Variants in LARGE1 observed in about 807,000 individuals in gnomAD.
LARGE1 encodes LARGE xylosyl- and glucuronyltransferase 1.
Under a neutral mutation model 87.6 loss-of-function variants are expected in LARGE1, and 43 were observed. That is an observed-to-expected ratio of 0.49 (90% CI 0.38 to 0.63). The LOEUF is 0.63. LARGE1 is among the 30% of genes least tolerant of loss of function. The pLI, the probability that LARGE1 is intolerant of heterozygous loss-of-function variation, is 0.00. For missense variants in LARGE1, 802 were observed against 1,000.2 expected, an observed-to-expected ratio of 0.80 and a Z score of 2.67; for synonymous variants, 434 against 394.6, an observed-to-expected ratio of 1.10 and a Z score of -1.18.
chr22:33,203,595 A>G (rs1176084835), intron 11 of LARGE1, among the ~76,000 whole-genome samples: 6 of 152,010 alleles, frequency 3.9e-5, no homozygotes, highest in Non-Finnish European at 8.8e-5. Context: ...TAGTGAGGGG[A>G]GAGGGAAATG....
intron 11 of LARGE1, among the ~76,000 whole-genome samples, chr22:33,203,345 C>G (rs904503625): frequency 6.6e-6 from 1 of 152,186 alleles, no homozygotes; most frequent in Non-Finnish European, 1.5e-5. Context: ...CGAGCCTGAT[C>G]TCCCAGGAGA....
At position 33,668,431 on chromosome 22, in the gene LARGE1, C is replaced by A. The variant is rs151219837; in HGVS notation, c.107-17763G>T. ...AATAAATGAGATGAAGCACTAGAGG[C>A]ATTTAGCTGCTCCAGCTAAGTATGA... is the stretch of plus-strand genomic sequence containing the variant. On this transcript the variant is annotated intron_variant, in intron 2 of 14. Coordinates refer to ENST00000397394, the MANE Select transcript of LARGE1 (RefSeq NM_133642.5). Among the ~76,000 whole-genome samples the A allele has an allele frequency of 6.4e-3, 977 of 152,314 alleles. 11 individuals are homozygous for A. Among genetic ancestry groups the A allele is most frequent in the African/African-American group, 0.022 (932 of 41,560 alleles).
intron 1 of LARGE1, among the ~76,000 whole-genome samples, chr22:33,834,101 T>C (rs2063047669): frequency 1.3e-5 from 2 of 152,166 alleles, no homozygotes; most frequent in South Asian, 4.1e-4. Flanking sequence ...GCCTGACTCC[T>C]TCTATCACCA....
intron 6 of LARGE1, among the ~76,000 whole-genome samples, chr22:33,452,145 AAAAAC>A (rs961424547): frequency 6.6e-6 from 1 of 152,248 alleles, no homozygotes; most frequent in African/African-American, 2.4e-5. Flanking sequence ...GAGTGTTTAA[AAAAAC>A]AAAACAAAAC....
chr22:33,836,681 T>A (rs1352368041), intron 1 of LARGE1, among the ~76,000 whole-genome samples: 1 of 151,736 alleles, frequency 6.6e-6, no homozygotes, highest in East Asian at 1.9e-4. Flanking sequence ...GCCACCTGGG[T>A]TCAAGCCTCA....
intron 5 of LARGE1, among the ~76,000 whole-genome samples, chr22:33,589,455 G>C (rs1165084631): frequency 6.6e-6 from 1 of 151,248 alleles, no homozygotes; most frequent in South Asian, 2.1e-4. Flanking sequence ...TTTACCAGAG[G>C]TTTGCCATCT....
intron 2 of LARGE1, among the ~76,000 whole-genome samples, chr22:33,722,713 A>G (rs1411153051): frequency 2.0e-5 from 3 of 152,184 alleles, no homozygotes; most frequent in South Asian, 2.1e-4. Flanking sequence ...AATAATCCTG[A>G]TAAGACAGAA....
chr22:33,873,958 A>T (rs1049073890), intron 1 of LARGE1, among the ~76,000 whole-genome samples: 1 of 127,976 alleles, frequency 7.8e-6, no homozygotes, highest in Admixed American at 7.7e-5. Context: ...CTTCCACCCC[A>T]CCCGGCTGTA....
intron 2 of LARGE1, among the ~76,000 whole-genome samples, chr22:33,701,735 G>C (rs867543126): frequency 6.6e-6 from 1 of 152,236 alleles, no homozygotes; most frequent in African/African-American, 2.4e-5. Context: ...CAGGGGCAGG[G>C]AGACAGTCAT....
intron 1 of LARGE1, among the ~76,000 whole-genome samples, chr22:33,812,136 C>T (rs1476474052): frequency 6.6e-6 from 1 of 152,204 alleles, no homozygotes; most frequent in African/African-American, 2.4e-5. Context: ...ACAACATGTA[C>T]ACACAGACAT....
At chr22:33,418,179 C>T (rs367926494) in intron 7 of LARGE1, among the ~76,000 whole-genome samples, 5 of 152,262 alleles carry the variant, frequency 3.3e-5, no homozygotes, top group South Asian at 2.1e-4. Context: ...AATCTCCTGA[C>T]CTTGTGATCC....
chr22:33,582,411 A>G (rs964442580), intron 5 of LARGE1, among the ~76,000 whole-genome samples: 4 of 152,212 alleles, frequency 2.6e-5, no homozygotes, highest in Non-Finnish European at 5.9e-5. Context: ...GAGGAAAAAA[A>G]AAAAGATGAG....
chr22:33,523,299 C>T (rs2071707703), intron 6 of LARGE1, among the ~76,000 whole-genome samples: 2 of 151,852 alleles, frequency 1.3e-5, no homozygotes, highest in Admixed American at 1.3e-4. Flanking sequence ...CGTGAGACAC[C>T]CTGCCCAGCC....
At chr22:33,814,634 G>A (rs760862812) in intron 1 of LARGE1, among the ~76,000 whole-genome samples, 4 of 152,096 alleles carry the variant, frequency 2.6e-5, no homozygotes, top group Non-Finnish European at 5.9e-5. Flanking sequence ...TTCATTTTCT[G>A]CCCAAGAGTC....
chr22:33,277,365 T>A, intron 13 of LARGE1, 110 bp from the exon 14 acceptor site: 1 of 1,017,540 alleles, frequency 9.8e-7, no homozygotes, highest in Non-Finnish European at 1.5e-6. Context: ...CTCGGGTGAG[T>A]TGAACTGTCT....
chr22:33,264,273 A>G (rs1927803905), intron 11 of LARGE1, among the ~76,000 whole-genome samples: 1 of 152,366 alleles, frequency 6.6e-6, no homozygotes, highest in South Asian at 2.1e-4. Flanking sequence ...AGGCTCTGGG[A>G]GTCCATAGGA....
chr22:33,431,003 G>C (rs777477272), intron 7 of LARGE1, among the ~76,000 whole-genome samples: 54 of 152,194 alleles, frequency 3.5e-4, no homozygotes, highest in Non-Finnish European at 4.7e-4. Context: ...TTCATTTGCT[G>C]GTCTCAGATG....
At chr22:33,201,112 C>T (rs1924359572) in intron 11 of LARGE1, among the ~76,000 whole-genome samples, 1 of 152,036 alleles carries the variant, frequency 6.6e-6, no homozygotes, top group Admixed American at 6.6e-5. Flanking sequence ...AGTTCGTGAC[C>T]AGCCTGACCA....
At chr22:33,858,745 C>T (rs879521638) in intron 1 of LARGE1, among the ~76,000 whole-genome samples, 5 of 152,150 alleles carry the variant, frequency 3.3e-5, no homozygotes, top group Admixed American at 6.5e-5. Context: ...CACATGCACA[C>T]GTATGTTTAT....
Sources: allele counts gnomAD v4.1 joint callset (sites outside exome capture counted in the v4.1 genomes callset), GRCh38; gene constraint gnomAD v4.1.1; transcripts MANE v1.5; gene names NCBI Gene and HGNC (gene_info 2026-07-23, HGNC 2026-07-21).